The following PLXNA4 variants were observed in gnomAD, a reference collection of about 807,000 sequenced individuals.
The protein encoded by PLXNA4 is plexin A4, also known as plexin-A4.
A neutral mutation model predicts 191.8 loss-of-function variants in PLXNA4; 44 were observed. That is an observed-to-expected ratio of 0.23 (90% CI 0.18 to 0.29). PLXNA4 has a LOEUF of 0.29. Ranked by LOEUF, PLXNA4 falls within the 10% of genes least tolerant of loss-of-function variation. The pLI, the probability that PLXNA4 is intolerant of heterozygous loss-of-function variation, is 1.00. For synonymous variants in PLXNA4, 1,082 were observed against 1,009.5 expected (o/e 1.07, Z -1.36); for missense variants, 1,800 against 2,488.8 (o/e 0.72, Z 5.89).
At chr7:132,446,801 A>G (rs1369726615) in intron 3 of PLXNA4, among the ~76,000 whole-genome samples, 1 of 152,140 alleles carries the variant, frequency 6.6e-6, no homozygotes, top group East Asian at 1.9e-4. Context: ...AGGCCATATA[A>G]CTAGTAAGCG....
chr7:132,194,725 G>A (rs571054025), intron 13 of PLXNA4, among the ~76,000 whole-genome samples: 14 of 152,248 alleles, frequency 9.2e-5, no homozygotes, highest in African/African-American at 2.6e-4. Context: ...GTGTGTATGC[G>A]TGTGTGAACT....
At chr7:132,352,019 A>G (rs376929636) in intron 3 of PLXNA4, among the ~76,000 whole-genome samples, 2 of 152,318 alleles carry the variant, frequency 1.3e-5, no homozygotes, top group East Asian at 3.9e-4. Context: ...TTATTAGACT[A>G]TATTAGGATT....
chr7:132,513,613 C>T (rs1798821384), intron 1 of PLXNA4, among the ~76,000 whole-genome samples: 1 of 151,882 alleles, frequency 6.6e-6, no homozygotes, highest in Admixed American at 6.6e-5. Context: ...AAATTCACGT[C>T]ACAACACACC....
chr7:132,587,446 C>T (rs1200376585), intron 2 of PLXNA4, among the ~76,000 whole-genome samples: 1 of 152,208 alleles, frequency 6.6e-6, no homozygotes, highest in Non-Finnish European at 1.5e-5. Flanking sequence ...TTCTCCATCA[C>T]TTCGTGTGGT....
intron 2 of PLXNA4, among the ~76,000 whole-genome samples, chr7:132,633,763 A>G (rs1467352932): frequency 1.3e-5 from 2 of 152,116 alleles, no homozygotes; most frequent in Admixed American, 6.6e-5. Context: ...TTGTTGGACC[A>G]CTGAAGTAGC....
At chr7:132,504,396 C>T (rs1292199384) in intron 2 of PLXNA4, among the ~76,000 whole-genome samples, 3 of 152,138 alleles carry the variant, frequency 2.0e-5, no homozygotes, top group South Asian at 4.1e-4. Context: ...AGGAGTTTTG[C>T]GGATCCCGGC....
chr7:132,173,032 C>T (rs1451149273), intron 21 of PLXNA4, among the ~76,000 whole-genome samples: 5 of 152,180 alleles, frequency 3.3e-5, no homozygotes, highest in African/African-American at 4.8e-5. Context: ...CATTATGTGC[C>T]AGGCACTCTA....
chr7:132,285,753 T>G (rs531987746), intron 4 of PLXNA4, among the ~76,000 whole-genome samples: 2 of 152,352 alleles, frequency 1.3e-5, no homozygotes, highest in South Asian at 4.1e-4. Flanking sequence ...AGTATCAACA[T>G]TTCTGGTCTG....
intron 3 of PLXNA4, among the ~76,000 whole-genome samples, chr7:132,380,952 A>G (rs2116940767): frequency 6.6e-6 from 1 of 152,386 alleles, no homozygotes; most frequent in Non-Finnish European, 1.5e-5. Context: ...ACATGAGAAT[A>G]AGATCAGGTT....
chr7:132,159,647 G>A lies in PLXNA4; in HGVS notation c.4501-15C>T, dbSNP rs767745777. 9.9e-6 allele frequency: 16 copies of A among 1,613,262 alleles called. No homozygotes were observed. In the African/African-American group the frequency reaches 1.6e-4, roughly 16 times the overall value. Reference sequence around the variant, plus strand: ...CAGCTCAGGACCTGAAGGAAAGGTGGGGAGAGGAAGCATATGAAATGGGGT... The same window carrying A: ...CAGCTCAGGACCTGAAGGAAAGGTGAGGAGAGGAAGCATATGAAATGGGGT... On this transcript the variant is annotated splice_polypyrimidine_tract_variant and intron_variant, in intron 24 of 31. Coordinates refer to ENST00000321063, the MANE Select transcript of PLXNA4 (RefSeq NM_020911.2).
At chr7:132,554,574 G>T (rs1171313924) in intron 1 of PLXNA4, among the ~76,000 whole-genome samples, 1 of 152,176 alleles carries the variant, frequency 6.6e-6, no homozygotes, top group Non-Finnish European at 1.5e-5. Flanking sequence ...ATCATGCAGA[G>T]ATTTCACTGA....
At chr7:132,198,823 T>G (rs1348104326) in intron 12 of PLXNA4, among the ~76,000 whole-genome samples, 187 bp from the exon 13 acceptor site, 1 of 152,182 alleles carries the variant, frequency 6.6e-6, no homozygotes, top group African/African-American at 2.4e-5. Flanking sequence ...GCAGTCCATG[T>G]TTGTGTGTGT....
intron 12 of PLXNA4, among the ~76,000 whole-genome samples, chr7:132,201,653 A>G (rs1169393318): frequency 6.6e-6 from 1 of 152,202 alleles, no homozygotes; most frequent in Non-Finnish European, 1.5e-5. Flanking sequence ...CACAGATGCC[A>G]TGGTGCCACA....
At chr7:132,210,612 G>A (rs1797765446) in intron 10 of PLXNA4, among the ~76,000 whole-genome samples, 1 of 152,186 alleles carries the variant, frequency 6.6e-6, no homozygotes, top group Non-Finnish European at 1.5e-5. Context: ...TGGACATGAA[G>A]GTACCTGGAG....
Position 132,320,537 on chromosome 7 carries a change from G to A in PLXNA4, c.1372-22315C>T, listed in dbSNP as rs529342089. ...TTGGGACTTCAGCTTTCCCTTTGGG[G>A]AGATACAGTTCAACCTGCAACACCC... On this transcript the variant is annotated intron_variant, in intron 3 of 31. Coordinates refer to ENST00000321063, the MANE Select transcript of PLXNA4 (RefSeq NM_020911.2). 3.9e-5 allele frequency among the ~76,000 whole-genome samples: 6 copies of A among 152,336 alleles called. No homozygotes were observed. The South Asian group carries it at 1.0e-3, about 26-fold the overall frequency.
At chr7:132,448,771 G>A (rs984757957) in intron 3 of PLXNA4, among the ~76,000 whole-genome samples, 1 of 152,196 alleles carries the variant, frequency 6.6e-6, no homozygotes, top group African/African-American at 2.4e-5. Flanking sequence ...AGTCAGAGAA[G>A]GAAGAACCAA....
At chr7:132,152,951 C>G (rs1441649861) in intron 25 of PLXNA4, among the ~76,000 whole-genome samples, 1 of 152,214 alleles carries the variant, frequency 6.6e-6, no homozygotes, top group African/African-American at 2.4e-5. Context: ...CATCAAAGAA[C>G]ACTTGCCATG....
At chr7:132,401,023 G>A (rs1248663396) in intron 3 of PLXNA4, among the ~76,000 whole-genome samples, 4 of 152,142 alleles carry the variant, frequency 2.6e-5, no homozygotes, top group East Asian at 1.9e-4. Flanking sequence ...TGACATGCAC[G>A]ATCTCAGATC....
chr7:132,444,095 C>T (rs148640567), intron 3 of PLXNA4, among the ~76,000 whole-genome samples: 33 of 152,374 alleles, frequency 2.2e-4, no homozygotes, highest in African/African-American at 7.9e-4. Flanking sequence ...TGAATTTCAG[C>T]CTTGATTAAT....
Sources: gnomAD v4.1 joint callset for allele counts (sites outside exome capture counted in the v4.1 genomes callset) on GRCh38, gnomAD v4.1.1 for gene constraint, MANE v1.5 for transcripts, NCBI Gene and HGNC (gene_info 2026-07-23, HGNC 2026-07-21) for gene names.